CALCR: variants seen among roughly 807,000 people sequenced by gnomAD.
The protein encoded by CALCR is calcitonin receptor.
CALCR carries 47 observed loss-of-function variants against 59.5 expected under a neutral mutation model. The ratio of observed to expected loss-of-function variants is 0.79; its 90% confidence interval spans 0.63 to 1.01. The LOEUF is 1.01. Among genes scored for constraint, CALCR ranks in the 50% least tolerant of loss-of-function variants. The pLI is 0.00. For synonymous variants in CALCR, 213 were observed against 211.3 expected (o/e 1.01, Z -0.07); for missense variants, 566 against 597.1 (o/e 0.95, Z 0.54).
chr7:93,494,357 G>T (rs1401690904), intron 2 of CALCR, among the ~76,000 whole-genome samples: 1 of 151,388 alleles, frequency 6.6e-6, no homozygotes, highest in East Asian at 2.0e-4. Context: ...TCATCTTGCT[G>T]TAGAAAAGGG....
chr7:93,506,050 G>A (rs1801417952), intron 2 of CALCR, among the ~76,000 whole-genome samples: 1 of 152,166 alleles, frequency 6.6e-6, no homozygotes, highest in Non-Finnish European at 1.5e-5. Flanking sequence ...CAGGCCAAAT[G>A]TCCCACTCAG....
chr7:93,476,058 G>T (rs367928163), intron 5 of CALCR, among the ~76,000 whole-genome samples: 2 of 151,720 alleles, frequency 1.3e-5, no homozygotes, highest in African/African-American at 4.8e-5. Context: ...CAGGGGTCAG[G>T]CATCTGCATT....
intron 8 of CALCR, among the ~76,000 whole-genome samples, chr7:93,459,334 G>C (rs375194240): frequency 1.3e-5 from 2 of 152,076 alleles, no homozygotes. Context: ...CCTGCTCCCC[G>C]CTCCAATCAG....
chr7:93,537,713 T>TAC lies in CALCR; in HGVS notation c.-27+36574_-27+36575dup, dbSNP rs139565888. On this transcript the variant is annotated intron_variant, in intron 2 of 13. Coordinates refer to ENST00000426151, the MANE Select transcript of CALCR (RefSeq NM_001742.4). ...TCCTTGTTTTGATTATACATGTGTATACACACACACACACACATACATACA... is the reference window on the plus strand; with the variant it reads ...TCCTTGTTTTGATTATACATGTGTATACACACACACACACACACATACATACA... Among the ~76,000 whole-genome samples, 326 of 150,410 alleles carry TAC rather than the reference T, an allele frequency of 2.2e-3. 2 individuals carry two copies. Among genetic ancestry groups the TAC allele is most frequent in the Non-Finnish European group, 2.8e-3 (188 of 67,222 alleles).
chr7:93,439,202 G>A (rs1219258573), intron 9 of CALCR, among the ~76,000 whole-genome samples: 1 of 152,150 alleles, frequency 6.6e-6, no homozygotes, highest in East Asian at 1.9e-4. Flanking sequence ...TACAAAAAGG[G>A]GTCTCAAAAT....
chr7:93,444,927 G>A (rs890713140), intron 8 of CALCR, among the ~76,000 whole-genome samples: 6 of 151,938 alleles, frequency 3.9e-5, no homozygotes, highest in African/African-American at 1.5e-4. Context: ...AACCTTTTCC[G>A]AACCATATAT....
chr7:93,539,652 C>G (rs1160972383), intron 2 of CALCR, among the ~76,000 whole-genome samples: 1 of 151,672 alleles, frequency 6.6e-6, no homozygotes, highest in Non-Finnish European at 1.5e-5. Flanking sequence ...ATTGTGTGTT[C>G]TTGTGCAAGT....
rs992564235 is a variant in CALCR, at chr7:93,520,573, A to G, written c.-26-33566T>C. Among the ~76,000 whole-genome samples the G allele has an allele frequency of 1.3e-5, 2 of 152,160 alleles. 1 individual carries two copies. The highest frequency in any genetic ancestry group is 2.9e-5 in the Non-Finnish European group (2 of 68,016). Reference sequence around the variant, plus strand: ...TAGAAAATTTATTTCTAGCAAAGATATAGCATTCCTCTCACCCTACTTAAT... The same window carrying G: ...TAGAAAATTTATTTCTAGCAAAGATGTAGCATTCCTCTCACCCTACTTAAT... On this transcript the variant is annotated intron_variant, in intron 2 of 13. Transcript: ENST00000426151.
chr7:93,476,877 C>A (rs1311561446), intron 5 of CALCR, among the ~76,000 whole-genome samples: 2 of 151,898 alleles, frequency 1.3e-5, no homozygotes, highest in Non-Finnish European at 2.9e-5. Flanking sequence ...TTCTTCACAT[C>A]CCAACTTTTC....
At chr7:93,525,974 C>T (rs1355125351) in intron 2 of CALCR, among the ~76,000 whole-genome samples, 1 of 152,102 alleles carries the variant, frequency 6.6e-6, no homozygotes, top group African/African-American at 2.4e-5. Flanking sequence ...CACTTGTAGA[C>T]ATTTAATTTT....
chr7:93,462,098 A>T (rs1409325140), intron 7 of CALCR: 17 of 1,501,056 alleles, frequency 1.1e-5, no homozygotes, highest in Admixed American at 2.0e-5. Context: ...AAGGAAAAAT[A>T]GTTGTCAATT....
intron 2 of CALCR, among the ~76,000 whole-genome samples, chr7:93,553,235 T>C (rs1292537274): frequency 2.0e-5 from 3 of 149,926 alleles, no homozygotes; most frequent in Non-Finnish European, 4.5e-5. Flanking sequence ...GATTGGTTTG[T>C]GTTGCTCCAC....
chr7:93,447,929 T>A (rs1800036496), intron 8 of CALCR, among the ~76,000 whole-genome samples: 1 of 151,908 alleles, frequency 6.6e-6, no homozygotes, highest in South Asian at 2.1e-4. Context: ...GAATGCAGAT[T>A]TGGAATGTGG....
chr7:93,531,167 A>G (rs1788823558), intron 2 of CALCR, among the ~76,000 whole-genome samples: 1 of 152,130 alleles, frequency 6.6e-6, no homozygotes, highest in African/African-American at 2.4e-5. Flanking sequence ...AGGACGTTAA[A>G]TTCTTTTTGA....
intron 2 of CALCR, among the ~76,000 whole-genome samples, chr7:93,492,014 A>G (rs1166462375): frequency 6.6e-6 from 1 of 151,956 alleles, no homozygotes; most frequent in Admixed American, 6.6e-5. Flanking sequence ...ATGCCCATCA[A>G]AGATAGACCG....
At chr7:93,427,893 C>T (rs1444214335) in intron 13 of CALCR, among the ~76,000 whole-genome samples, 1 of 149,920 alleles carries the variant, frequency 6.7e-6, no homozygotes, top group East Asian at 2.2e-4. Flanking sequence ...TATCTTCACA[C>T]AGCACAGCAA....
intron 6 of CALCR, among the ~76,000 whole-genome samples, chr7:93,469,362 A>G (rs748317155): frequency 6.8e-6 from 1 of 148,002 alleles, no homozygotes; most frequent in Non-Finnish European, 1.5e-5. Context: ...AATTTTATTT[A>G]TTCTCCCATA....
At chr7:93,451,931 G>A (rs1393297830) in intron 8 of CALCR, among the ~76,000 whole-genome samples, 3 of 151,952 alleles carry the variant, frequency 2.0e-5, no homozygotes, top group African/African-American at 7.2e-5. Context: ...AGGAAAACAT[G>A]TATCACATGT....
intron 2 of CALCR, among the ~76,000 whole-genome samples, chr7:93,523,725 A>AT (rs531250634): frequency 1.9e-3 from 296 of 152,192 alleles, no homozygotes; most frequent in African/African-American, 6.6e-3. Flanking sequence ...TAAGTCCAGG[A>AT]TTTTTTTCTA....
Sources: allele counts gnomAD v4.1 joint callset (sites outside exome capture counted in the v4.1 genomes callset), GRCh38; gene constraint gnomAD v4.1.1; transcripts MANE v1.5; gene names NCBI Gene and HGNC (gene_info 2026-07-23, HGNC 2026-07-21).